SUCLA2: variants seen among roughly 807,000 people sequenced by gnomAD.
The protein encoded by SUCLA2 is succinate-CoA ligase ADP-forming subunit beta, also known as succinate--CoA ligase [ADP-forming] subunit beta, mitochondrial.
A neutral mutation model predicts 54.8 loss-of-function variants in SUCLA2; 30 were observed. The observed-to-expected ratio is 0.55, with a 90% CI of 0.41 to 0.74. The LOEUF (loss-of-function observed/expected upper bound fraction) is 0.74, where lower values mean the gene tolerates loss of function less well. SUCLA2 is among the 30% of genes least tolerant of loss of function. The pLI, the probability that SUCLA2 is intolerant of heterozygous loss-of-function variation, is 0.00. For missense variants in SUCLA2, 476 were observed against 562.9 expected (o/e 0.85, Z 1.56); for synonymous variants, 172 against 188.9 (o/e 0.91, Z 0.74).
intron 1 of SUCLA2, among the ~76,000 whole-genome samples, chr13:48,000,276 T>C (rs1950220172): frequency 6.6e-6 from 1 of 152,204 alleles, no homozygotes; most frequent in Admixed American, 6.5e-5. Context: ...CAGTTTTTTG[T>C]TGTCAAAGTT....
intron 4 of SUCLA2, among the ~76,000 whole-genome samples, chr13:47,982,328 G>A (rs530445646): frequency 2.0e-5 from 3 of 152,218 alleles, no homozygotes; most frequent in Admixed American, 1.3e-4. Context: ...ATTATGCTGA[G>A]ATAAACCAGT....
intron 6 of SUCLA2, among the ~76,000 whole-genome samples, chr13:47,960,124 A>G (rs1949857433): frequency 6.6e-6 from 1 of 152,092 alleles, no homozygotes; most frequent in Non-Finnish European, 1.5e-5. Flanking sequence ...GAGTAGGGGA[A>G]AGATTGAGGG....
chr13:47,960,690 T>C (rs972958866), intron 6 of SUCLA2, among the ~76,000 whole-genome samples: 26 of 152,146 alleles, frequency 1.7e-4, no homozygotes, highest in African/African-American at 6.0e-4. Flanking sequence ...TGACATTCAT[T>C]TGAATTAAGT....
intron 6 of SUCLA2, among the ~76,000 whole-genome samples, chr13:47,960,774 T>C (rs948372959): frequency 2.0e-5 from 3 of 152,260 alleles, no homozygotes; most frequent in East Asian, 3.9e-4. Flanking sequence ...GGCTTTCATC[T>C]GTACTTGTAA....
intron 4 of SUCLA2, among the ~76,000 whole-genome samples, chr13:47,976,990 A>C (rs1312734237): frequency 6.7e-6 from 1 of 149,788 alleles, no homozygotes; most frequent in African/African-American, 2.5e-5. Context: ...AAATAAAAGA[A>C]ACAAGGAACA....
At chr13:47,952,604 A>G (rs1162408212) in intron 8 of SUCLA2, among the ~76,000 whole-genome samples, 1 of 151,896 alleles carries the variant, frequency 6.6e-6, no homozygotes, top group Non-Finnish European at 1.5e-5. Flanking sequence ...AGAAAAGAAG[A>G]AAAAAAATGA....
At chr13:47,961,289 G>A (rs779123023) in intron 6 of SUCLA2, among the ~76,000 whole-genome samples, 1 of 152,034 alleles carries the variant, frequency 6.6e-6, no homozygotes, top group Non-Finnish European at 1.5e-5. Context: ...GGAGTGGGGG[G>A]GGCCAGACAG....
At chr13:47,957,250 C>T (rs956044603) in intron 6 of SUCLA2, among the ~76,000 whole-genome samples, 3 of 152,178 alleles carry the variant, frequency 2.0e-5, no homozygotes, top group Non-Finnish European at 2.9e-5. Flanking sequence ...GACTGAGCTC[C>T]GATCTCCTCA....
At chr13:47,993,759 C>G (rs4942736) in intron 2 of SUCLA2, among the ~76,000 whole-genome samples, 123,594 of 152,268 alleles carry the variant, frequency 0.81, 50,559 homozygotes, top group African/African-American at 0.92. Context: ...AAGGCCAGGC[C>G]TGGTGGCTCA....
At chr13:47,948,834 A>C (rs921144741) in intron 10 of SUCLA2, 106 bp downstream of exon 10, 3 of 1,062,738 alleles carry the variant, frequency 2.8e-6, no homozygotes, top group Admixed American at 3.4e-5. Flanking sequence ...CATTCATTAC[A>C]CTCATAATAT....
chr13:47,953,138 T>C (rs1949789849), intron 8 of SUCLA2, among the ~76,000 whole-genome samples: 1 of 152,138 alleles, frequency 6.6e-6, no homozygotes, highest in Non-Finnish European at 1.5e-5. Context: ...GCTATCCACA[T>C]TGACACCCTG....
intron 1 of SUCLA2, among the ~76,000 whole-genome samples, chr13:47,999,198 G>A (rs1950210497): frequency 9.6e-6 from 1 of 104,404 alleles, no homozygotes. Context: ...AAAATCTAAT[G>A]TCTATAAAGA....
intron 6 of SUCLA2, among the ~76,000 whole-genome samples, chr13:47,955,801 C>G (rs969104095): frequency 6.6e-6 from 1 of 152,072 alleles, no homozygotes; most frequent in African/African-American, 2.4e-5. Context: ...CTTTCAGTAC[C>G]CTACCCCTTC....
intron 5 of SUCLA2, among the ~76,000 whole-genome samples, chr13:47,969,929 C>T (rs775348781): frequency 6.6e-6 from 1 of 152,010 alleles, no homozygotes; most frequent in Non-Finnish European, 1.5e-5. Context: ...TGGTGAAACA[C>T]TGTCTCTATC....
chr13:47,958,741 G>A (rs1415861931), intron 6 of SUCLA2, among the ~76,000 whole-genome samples: 1 of 152,152 alleles, frequency 6.6e-6, no homozygotes, highest in Non-Finnish European at 1.5e-5. Flanking sequence ...TGGTGAAAAT[G>A]CCTATGTAGT....
rs549550900 is a variant in SUCLA2, at chr13:47,989,764, CA to C, written c.272-784del. On this transcript the variant is annotated intron_variant, in intron 2 of 10. Coordinates refer to ENST00000646932, the MANE Select transcript of SUCLA2 (RefSeq NM_003850.3). ...ATGATTTGGGGGATATTACCATTAC[CA>C]GTATTGATACTGATTTATACTGTCC... 3.8e-3 allele frequency among the ~76,000 whole-genome samples: 583 copies of C among 152,180 alleles called. 2 individuals carry two copies. The highest frequency in any genetic ancestry group is 0.013 in the African/African-American group (546 of 41,508).
Position 47,996,847 on chromosome 13 carries a change from T to C in SUCLA2, c.267A>G (p.Lys89=). 1 of 1,613,010 alleles carries C rather than the reference T, an allele frequency of 6.2e-7. No homozygotes were observed. The highest frequency in any genetic ancestry group is 1.1e-5 in the South Asian group (1 of 90,998). The part of the protein sequence containing the change: ...SPDEAYAIAK[K]LGSKDVVIKA... ...AAGCTTTTCTTAATTTAGTACCTAATTTTTTGGCAATTGCATAAGCTTCAT... is the reference window on the plus strand; with the variant it reads ...AAGCTTTTCTTAATTTAGTACCTAACTTTTTGGCAATTGCATAAGCTTCAT... Residue 89 remains lysine (K), a synonymous_variant, in exon 2 of 11, where the codon AAA becomes AAG. Transcript: ENST00000646932.
chr13:47,945,422 C>A (rs1323018370), intron 10 of SUCLA2, among the ~76,000 whole-genome samples: 153 of 49,996 alleles, frequency 3.1e-3, no homozygotes, highest in South Asian at 0.011. Context: ...GACTCAGTCT[C>A]AAAAAAAAAA....
In SUCLA2 at chr13:48,001,161, G is replaced by A. The variant is rs370867973; in HGVS notation, c.90+19C>T. 1.1e-5 allele frequency: 17 copies of A among 1,602,282 alleles called. No individual in the cohort carries two copies. Among genetic ancestry groups the A allele is most frequent in the Non-Finnish European group, 9.4e-6 (11 of 1,175,014 alleles). On this transcript the variant is annotated intron_variant, in intron 1 of 10. Transcript: ENST00000646932. Reference sequence around the variant, plus strand: ...TCTCCTGCCGACCCTCGAGACGACAGCGGACTGGAAGGCATTACCTGAGCA... The same window carrying A: ...TCTCCTGCCGACCCTCGAGACGACAACGGACTGGAAGGCATTACCTGAGCA...
Sources: gnomAD v4.1 joint callset for allele counts (sites outside exome capture counted in the v4.1 genomes callset) on GRCh38, gnomAD v4.1.1 for gene constraint, MANE v1.5 for transcripts, NCBI Gene and HGNC (gene_info 2026-07-23, HGNC 2026-07-21) for gene names.